The following ADAMTSL3 variants were observed in gnomAD, a reference collection of about 807,000 sequenced individuals.
ADAMTSL3 encodes the protein ADAMTS-like protein 3.
In ADAMTSL3, 128 loss-of-function variants were observed where a neutral mutation model predicts 201.7. That is an observed-to-expected ratio of 0.63 (90% confidence interval 0.55 to 0.73). The LOEUF (loss-of-function observed/expected upper bound fraction) is 0.73, where lower values mean the gene tolerates loss of function less well. Ranked by LOEUF, ADAMTSL3 falls within the 30% of genes least tolerant of loss-of-function variation. The pLI is 0.00. For synonymous variants in ADAMTSL3, 738 were observed against 748.4 expected, an observed-to-expected ratio of 0.99 and a Z score of 0.23; for missense variants, 1,990 against 2,119.6, an observed-to-expected ratio of 0.94 and a Z score of 1.20.
chr15:83,753,636 A>T (rs975494436), intron 3 of ADAMTSL3, among the ~76,000 whole-genome samples: 1 of 152,102 alleles, frequency 6.6e-6, no homozygotes, highest in Non-Finnish European at 1.5e-5. Flanking sequence ...TGAAAACTTG[A>T]TATCATTAAA....
At chr15:83,994,576 T>C (rs986554486) in intron 23 of ADAMTSL3, among the ~76,000 whole-genome samples, 6 of 145,806 alleles carry the variant, frequency 4.1e-5, no homozygotes, top group Admixed American at 7.2e-5. Flanking sequence ...TTCTGTTTTT[T>C]TGTTTTTTCG....
Position 83,858,810 on chromosome 15 carries a change from A to G in ADAMTSL3, c.772A>G (p.Arg258Gly). ...TGTTCCTTTGGGAAGTCGAAGTGTG[A>G]GAATTACAGTGAAAGGACCTGCCCA... is the stretch of plus-strand genomic sequence containing the variant. ...IAVPLGSRSVRITVKGPAHLF... is the reference protein window; with the variant it reads ...IAVPLGSRSVGITVKGPAHLF... Residue 258 changes from arginine (R) to glycine (G), a missense_variant, in exon 8 of 30, where the codon AGA becomes GGA. Transcript: ENST00000286744. The G allele has an allele frequency of 6.2e-7, 1 of 1,613,726 alleles. No homozygotes were observed. The highest frequency in any genetic ancestry group is 8.5e-7 in the Non-Finnish European group (1 of 1,179,722).
rs199772886 is a variant in ADAMTSL3, at chr15:83,655,842, T to C, written c.69+12T>C. 38 of 1,612,680 alleles carry C rather than the reference T, an allele frequency of 2.4e-5. No homozygotes were observed. In the East Asian group the frequency reaches 5.6e-4, roughly 24 times the overall value. Reference sequence around the variant, plus strand: ...CTCCCCTCCCGCAGGTAAGGTCATATAGGGAGGGGAAGGGAAATGGTGGAC... The same window carrying C: ...CTCCCCTCCCGCAGGTAAGGTCATACAGGGAGGGGAAGGGAAATGGTGGAC... On this transcript the variant is annotated intron_variant, in intron 2 of 29. Coordinates refer to ENST00000286744, the MANE Select transcript of ADAMTSL3 (RefSeq NM_207517.3).
chr15:83,714,871 TCCCTCCC>T (rs1567093363), intron 3 of ADAMTSL3, among the ~76,000 whole-genome samples: 1,249 of 13,632 alleles, frequency 0.092, 42 homozygotes, highest in East Asian at 0.21. Flanking sequence ...CCTCCCTCCC[TCCCTCCC>T]TTCCTTCCTT....
chr15:84,021,529 T>C lies in ADAMTSL3; in HGVS notation c.4393T>C (p.Cys1465Arg), dbSNP rs1009571034. 3.1e-6 allele frequency: 5 copies of C among 1,614,188 alleles called. No homozygotes were observed. The highest frequency in any genetic ancestry group is 3.4e-6 in the Non-Finnish European group (4 of 1,180,044). ...TGGGCAGGAAGTGAGTGAGGCCCTGTGTGATCACCTCCAGAAGCCACTGGC... is the reference window on the plus strand; with the variant it reads ...TGGGCAGGAAGTGAGTGAGGCCCTGCGTGATCACCTCCAGAAGCCACTGGC... ...ANGQEVSEALCDHLQKPLAGF... is the reference protein window; with the variant it reads ...ANGQEVSEALRDHLQKPLAGF... Residue 1465 changes from cysteine to arginine, a missense_variant, in exon 26 of 30, where the codon TGT becomes CGT. Coordinates refer to ENST00000286744, the MANE Select transcript of ADAMTSL3 (RefSeq NM_207517.3).
intron 17 of ADAMTSL3, among the ~76,000 whole-genome samples, chr15:83,927,440 T>C (rs2066270265): frequency 6.6e-6 from 1 of 152,192 alleles, no homozygotes; most frequent in Admixed American, 6.5e-5. Flanking sequence ...TGTACTGTTT[T>C]ATTTAAAACA....
Position 83,658,303 on chromosome 15 carries a change from T to A in ADAMTSL3, c.69+2473T>A, listed in dbSNP as rs192365894. ...TTTGTATTATCGGTAGAGATGAGGT[T>A]TTGCCATGTTGGCCAGGCTGGTCTC... On this transcript the variant is annotated intron_variant, in intron 2 of 29. Transcript: ENST00000286744. 5.3e-5 allele frequency among the ~76,000 whole-genome samples: 8 copies of A among 152,226 alleles called. No individual in the cohort carries two copies. The East Asian group carries it at 1.5e-3, about 29-fold the overall frequency.
intron 27 of ADAMTSL3, 135 bp downstream of exon 27, chr15:84,025,571 G>A (rs950052003): frequency 3.6e-5 from 29 of 803,042 alleles, no homozygotes; most frequent in Non-Finnish European, 4.3e-5. Context: ...ATGAATGTAT[G>A]TCTTTGACCT....
intron 2 of ADAMTSL3, among the ~76,000 whole-genome samples, chr15:83,681,135 G>A (rs1305043258): frequency 6.6e-6 from 1 of 152,158 alleles, no homozygotes; most frequent in Non-Finnish European, 1.5e-5. Context: ...AGCTAGAATA[G>A]GCTATATCAT....
At chr15:83,815,361 T>A (rs1324288307) in intron 5 of ADAMTSL3, among the ~76,000 whole-genome samples, 2 of 152,244 alleles carry the variant, frequency 1.3e-5, no homozygotes, top group African/African-American at 4.8e-5. Context: ...AGAAGCTACA[T>A]CTCCAATAAG....
At chr15:83,899,477 G>A (rs1371058568) in intron 14 of ADAMTSL3, among the ~76,000 whole-genome samples, 170 bp from the exon 15 acceptor site, 1 of 152,168 alleles carries the variant, frequency 6.6e-6, no homozygotes, top group Non-Finnish European at 1.5e-5. Flanking sequence ...TACAGCAGAA[G>A]TGTTTAATTC....
chr15:84,028,215 C>G (rs2068345018), intron 27 of ADAMTSL3, among the ~76,000 whole-genome samples: 1 of 151,958 alleles, frequency 6.6e-6, no homozygotes, highest in African/African-American at 2.4e-5. Context: ...CATTCGATGG[C>G]AAATTGTATA....
chr15:83,847,115 T>G (rs1032559361), intron 7 of ADAMTSL3, among the ~76,000 whole-genome samples: 4 of 152,320 alleles, frequency 2.6e-5, no homozygotes, highest in South Asian at 4.1e-4. Flanking sequence ...GATTGAGCAA[T>G]CAGAGACTTT....
At chr15:83,782,995 C>T (rs2063199732) in intron 4 of ADAMTSL3, among the ~76,000 whole-genome samples, 1 of 146,402 alleles carries the variant, frequency 6.8e-6, no homozygotes, top group Non-Finnish European at 1.5e-5. Flanking sequence ...ATTATATATA[C>T]ACATATATAT....
chr15:84,029,878 A>G (rs1420547607), intron 27 of ADAMTSL3, among the ~76,000 whole-genome samples: 1 of 152,216 alleles, frequency 6.6e-6, no homozygotes, highest in Non-Finnish European at 1.5e-5. Context: ...AGCCATGGCT[A>G]AAAGGAACCA....
rs887880748 is a variant in ADAMTSL3, at chr15:84,021,540, CCAG to C, written c.4405_4407del (p.Gln1469del). ...TGAGTGAGGCCCTGTGTGATCACCT[CCAG>C]AAGCCACTGGCTGGGTTTGAGCCCT... is the stretch of plus-strand genomic sequence containing the variant. On this transcript the variant is annotated inframe_deletion, in exon 26 of 30. Coordinates refer to ENST00000286744, the MANE Select transcript of ADAMTSL3 (RefSeq NM_207517.3). 1.1e-5 allele frequency: 17 copies of C among 1,614,022 alleles called. No homozygotes were observed. Among genetic ancestry groups the C allele is most frequent in the Non-Finnish European group, 1.4e-5 (17 of 1,180,020 alleles).
chr15:83,855,026 TTGTGTG>T (rs142899712), intron 7 of ADAMTSL3, among the ~76,000 whole-genome samples: 2 of 151,776 alleles, frequency 1.3e-5, no homozygotes, highest in African/African-American at 4.8e-5. Context: ...TTAGTGGACT[TTGTGTG>T]TGTGTGTGTC....
rs142672875 is a variant in ADAMTSL3, at chr15:83,816,584, T to C, written c.364-3227T>C. Among the ~76,000 whole-genome samples, 9 of 152,250 alleles carry C rather than the reference T, an allele frequency of 5.9e-5. No homozygotes were observed. In the East Asian group the frequency reaches 1.7e-3, roughly 29 times the overall value. On this transcript the variant is annotated intron_variant, in intron 5 of 29. Coordinates refer to ENST00000286744, the MANE Select transcript of ADAMTSL3 (RefSeq NM_207517.3). Reference sequence around the variant, plus strand: ...ATCCTGCTCTCTTAGACACTTTCCTTTGGTTGGTTTCAAAGAGTGAGATAT... The same window carrying C: ...ATCCTGCTCTCTTAGACACTTTCCTCTGGTTGGTTTCAAAGAGTGAGATAT...
chr15:83,804,766 G>T, intron 5 of ADAMTSL3, 71 bp downstream of exon 5: 2 of 1,242,326 alleles, frequency 1.6e-6, no homozygotes, highest in Non-Finnish European at 2.2e-6. Flanking sequence ...ATTCCAATGT[G>T]TACTCTAAAA....
Sources: gnomAD v4.1 joint callset for allele counts (sites outside exome capture counted in the v4.1 genomes callset) on GRCh38, gnomAD v4.1.1 for gene constraint, MANE v1.5 for transcripts, NCBI Gene and HGNC (gene_info 2026-07-23, HGNC 2026-07-21) for gene names.